LOXHD1: variants seen among roughly 807,000 people sequenced by gnomAD.
LOXHD1 encodes the protein lipoxygenase homology PLAT domains 1.
LOXHD1 carries 205 observed loss-of-function variants against 248.2 expected under a neutral mutation model. The ratio of observed to expected loss-of-function variants is 0.83; its 90% CI spans 0.74 to 0.93. The LOEUF (loss-of-function observed/expected upper bound fraction) is 0.93. LOXHD1 is among the 40% of genes least tolerant of loss of function. The pLI is 0.00. For missense variants in LOXHD1, 2,930 were observed against 2,971.6 expected (o/e 0.99, Z 0.33); for synonymous variants, 1,113 against 1,162.8 (o/e 0.96, Z 0.87).
intron 37 of LOXHD1, among the ~76,000 whole-genome samples, chr18:46,495,362 T>C (rs1289021451): frequency 2.0e-5 from 3 of 152,222 alleles, no homozygotes; most frequent in Non-Finnish European, 4.4e-5. Context: ...TATTTTATGG[T>C]AATCAAATAG....
intron 12 of LOXHD1, among the ~76,000 whole-genome samples, chr18:46,582,686 G>A (rs1228515897): frequency 6.6e-6 from 1 of 152,128 alleles, no homozygotes; most frequent in Non-Finnish European, 1.5e-5. Context: ...GAAACAGGGT[G>A]AATCCACCCA....
chr18:46,538,048 T>G, intron 26 of LOXHD1, 108 bp downstream of exon 26: 2 of 1,003,476 alleles, frequency 2.0e-6, no homozygotes, highest in South Asian at 1.9e-5. Context: ...TCCTCTCTAA[T>G]AGCAGTGCAT....
Position 46,641,942 on chromosome 18 carries a change from C to A in LOXHD1, c.326+14G>T. 6.5e-7 allele frequency: 1 copy of A among 1,549,820 alleles called. No homozygotes were observed. ...ATCTCCACCCTCAATCCTAGTCAGG[C>A]GCCAGCTTCTCACCTGACTTTATAG... On this transcript the variant is annotated intron_variant, in intron 3 of 40. Coordinates refer to ENST00000642948, the MANE Select transcript of LOXHD1 (RefSeq NM_001384474.1).
intron 3 of LOXHD1, among the ~76,000 whole-genome samples, chr18:46,640,146 C>A (rs911344491): frequency 6.6e-6 from 1 of 152,162 alleles, no homozygotes; most frequent in African/African-American, 2.4e-5. Context: ...CCTTTGAAAG[C>A]AGTGAGCCTC....
At chr18:46,477,205 C>A, downstream of LOXHD1, 1 of 723,958 alleles carries the variant, frequency 1.4e-6, no homozygotes, top group South Asian at 1.5e-5. Context: ...TGCAGCAAGT[C>A]CCAGCCTGGT....
chr18:46,565,832 C>T (rs1044699091), intron 17 of LOXHD1, among the ~76,000 whole-genome samples: 1 of 151,948 alleles, frequency 6.6e-6, no homozygotes, highest in African/African-American at 2.4e-5. Flanking sequence ...TTTTGATCCT[C>T]GATTGAATCC....
At chr18:46,544,558 C>T (rs2036712938) in intron 23 of LOXHD1, among the ~76,000 whole-genome samples, 1 of 152,124 alleles carries the variant, frequency 6.6e-6, no homozygotes, top group Non-Finnish European at 1.5e-5. Flanking sequence ...CCACTTTGTC[C>T]CAAATGTTGT....
chr18:46,610,802 C>T lies in LOXHD1; in HGVS notation c.733G>A (p.Gly245Ser), dbSNP rs1157688920. Residue 245 changes from glycine to serine, a missense_variant, in exon 6 of 41, where the codon GGC (glycine) becomes AGC (serine). By Grantham distance (56) the Gly-to-Ser change is moderately conservative. Coordinates refer to ENST00000642948, the MANE Select transcript of LOXHD1 (RefSeq NM_001384474.1). ...KINVGHNNKG[G>S]SAGWFLSQIV... ...TGGGACAGGAACCAACCTGCAGAGC[C>T]CCCCTTATTGTTGTGGCCAACATTG... The T allele has an allele frequency of 4.5e-6, 7 of 1,551,566 alleles. No homozygotes were observed. The highest frequency in any genetic ancestry group is 1.2e-5 in the South Asian group (1 of 84,020).
chr18:46,601,268 G>A lies in LOXHD1; in HGVS notation c.1083C>T (p.Val361=). The change falls in exon 8 of 41, where the codon GTC becomes GTT. Residue 361 remains valine, a synonymous_variant. Transcript: ENST00000642948. ...CACCCACATTGCCATGCCCGACGGAGACCCGACTCAGGGGGCTAAGGAGGA... is the reference window on the plus strand; with the variant it reads ...CACCCACATTGCCATGCCCGACGGAAACCCGACTCAGGGGGCTAAGGAGGA... ...LAVLLSPLSR[V]SVGHGNVGVN... is the part of the protein sequence containing the mutation. 1 of 1,551,724 alleles carries A rather than the reference G, an allele frequency of 6.4e-7. No homozygotes were observed. Among genetic ancestry groups the A allele is most frequent in the South Asian group, 1.2e-5 (1 of 84,050 alleles).
chr18:46,520,045 G>A (rs1365058805), intron 33 of LOXHD1, among the ~76,000 whole-genome samples: 1 of 152,216 alleles, frequency 6.6e-6, no homozygotes, highest in Admixed American at 6.5e-5. Context: ...AGGCTGGGAA[G>A]TGGGTCAGGC....
chr18:46,564,805 A>G (rs2037604856), intron 17 of LOXHD1, among the ~76,000 whole-genome samples: 2 of 152,220 alleles, frequency 1.3e-5, no homozygotes, highest in South Asian at 4.1e-4. Flanking sequence ...GTGTGTATAT[A>G]ACAGCCCTAA....
chr18:46,541,319 T>C (rs76889326), intron 25 of LOXHD1, among the ~76,000 whole-genome samples: 12,282 of 152,168 alleles, frequency 0.081, 579 homozygotes, highest in Non-Finnish European at 0.1. Flanking sequence ...TTTCAAGCCA[T>C]TGTGGGGCTG....
intron 12 of LOXHD1, among the ~76,000 whole-genome samples, chr18:46,583,997 T>A (rs530800722): frequency 6.6e-5 from 10 of 152,224 alleles, no homozygotes; most frequent in African/African-American, 2.4e-4. Context: ...ACATACACAA[T>A]GCAATACGAT....
intron 4 of LOXHD1, among the ~76,000 whole-genome samples, chr18:46,632,652 G>A (rs946182154): frequency 6.6e-6 from 1 of 152,068 alleles, no homozygotes; most frequent in African/African-American, 2.4e-5. Flanking sequence ...ACAAGCAGAT[G>A]GCAGGAGGGA....
At chr18:46,529,620 C>T (rs1568143871) in intron 28 of LOXHD1, among the ~76,000 whole-genome samples, 1 of 152,200 alleles carries the variant, frequency 6.6e-6, no homozygotes, top group Non-Finnish European at 1.5e-5. Context: ...CATATAGCTG[C>T]CTGCAGTGTA....
rs1271511648 is a variant in LOXHD1, at chr18:46,591,932, C to T, written c.1654+1G>A. 3 of 1,551,620 alleles carry T rather than the reference C, an allele frequency of 1.9e-6. No individual in the cohort carries two copies. On this transcript the variant is annotated splice_donor_variant, in intron 12 of 40. Coordinates refer to ENST00000642948, the MANE Select transcript of LOXHD1 (RefSeq NM_001384474.1). LOFTEE classifies it high-confidence loss of function. ...AGGATGGAGAGCCTGTCAGTACTTA[C>T]TGCCCATGATCCTGCGCACTGTTGG...
intron 25 of LOXHD1, among the ~76,000 whole-genome samples, chr18:46,539,490 C>T (rs1255427805): frequency 1.3e-5 from 2 of 151,936 alleles, no homozygotes; most frequent in Non-Finnish European, 2.9e-5. Context: ...GCAAAACCTG[C>T]CTTAGTTTCT....
intron 37 of LOXHD1, among the ~76,000 whole-genome samples, chr18:46,495,598 T>A (rs1406528478): frequency 6.6e-6 from 1 of 152,164 alleles, no homozygotes; most frequent in Non-Finnish European, 1.5e-5. Flanking sequence ...TCATATTACA[T>A]CAATAAACGG....
intron 3 of LOXHD1, among the ~76,000 whole-genome samples, chr18:46,641,527 G>C (rs1407621962): frequency 1.3e-5 from 2 of 152,200 alleles, no homozygotes; most frequent in African/African-American, 4.8e-5. Flanking sequence ...GCCAGTTACT[G>C]TTCCAAGCAC....
Sources: allele counts gnomAD v4.1 joint callset (sites outside exome capture counted in the v4.1 genomes callset), GRCh38; gene constraint gnomAD v4.1.1; transcripts MANE v1.5; gene names NCBI Gene and HGNC (gene_info 2026-07-23, HGNC 2026-07-21).